Variants in SLC61A1 observed in about 807,000 individuals in gnomAD.
SLC61A1 encodes major facilitator superfamily domain containing 5.
the SLC61A1 span, chr12:53,252,089 C>G: frequency 6.9e-7 from 1 of 1,459,466 alleles, no homozygotes; most frequent in Non-Finnish European, 9.0e-7. Flanking sequence ...GCGCCGCGCC[C>G]CCGTCACGTG....
the SLC61A1 span, chr12:53,251,777 T>C: frequency 6.5e-7 from 1 of 1,537,218 alleles, no homozygotes; most frequent in Non-Finnish European, 8.7e-7. Context: ...AAGGAGACCT[T>C]CTCGGCTTCG....
At chr12:53,253,987 T>C in the SLC61A1 span, 13 of 1,614,182 alleles carry the variant, frequency 8.1e-6, no homozygotes, top group Non-Finnish European at 1.1e-5. Flanking sequence ...TCCGGGTACC[T>C]CTGCACTCAC....
the SLC61A1 span, chr12:53,254,248 A>G: frequency 2.6e-6 from 4 of 1,558,444 alleles, no homozygotes; most frequent in Non-Finnish European, 3.5e-6. Context: ...CCGGGATTGT[A>G]CAGATCTCTC....
At chr12:53,252,409 C>T in the SLC61A1 span, 1 of 1,284,720 alleles carries the variant, frequency 7.8e-7, no homozygotes, top group Non-Finnish European at 9.9e-7. Flanking sequence ...GAGAGGCCTG[C>T]GCGGGTGGGA....
At chr12:53,251,752 G>T in the SLC61A1 span, 1 of 1,536,982 alleles carries the variant, frequency 6.5e-7, no homozygotes, top group Non-Finnish European at 8.7e-7. Context: ...ACTGCAGTGG[G>T]AGAGGAGGCA....
chr12:53,252,240 C>A, the SLC61A1 span: 1 of 1,408,100 alleles, frequency 7.1e-7, no homozygotes, highest in African/African-American at 1.5e-5. Context: ...CGGACGTGTC[C>A]GGGGCGTCCC....
chr12:53,251,839 C>A, the SLC61A1 span: 1 of 1,537,310 alleles, frequency 6.5e-7, no homozygotes, highest in Non-Finnish European at 8.7e-7. Flanking sequence ...TACCGGACTG[C>A]GGGCATCTTT....
At chr12:53,254,381 A>C in the SLC61A1 span, 1 of 609,526 alleles carries the variant, frequency 1.6e-6, no homozygotes, top group Non-Finnish European at 2.9e-6. Context: ...ACTCCCATTT[A>C]GAAAATAAAC....
the SLC61A1 span, chr12:53,254,337 C>A: frequency 1.0e-6 from 1 of 994,718 alleles, no homozygotes; most frequent in Non-Finnish European, 1.5e-6. Context: ...GGGTGATGGA[C>A]TGGAAAGAAG....
the SLC61A1 span, chr12:53,252,591 G>A: frequency 3.1e-6 from 4 of 1,281,098 alleles, no homozygotes; most frequent in Non-Finnish European, 4.2e-6. Context: ...TGGGTTGAGT[G>A]CCCAGTCCTC....
the SLC61A1 span, chr12:53,251,444 T>G: frequency 2.4e-6 from 1 of 422,280 alleles, no homozygotes; most frequent in Middle Eastern, 6.6e-4. Flanking sequence ...GTTAAATAGT[T>G]TTTCCAAGGT....
chr12:53,252,447 C>T, the SLC61A1 span: 1 of 1,290,760 alleles, frequency 7.7e-7, no homozygotes, highest in Admixed American at 3.8e-5. Flanking sequence ...GGATGAGACA[C>T]TGAGGGCAAA....
the SLC61A1 span, chr12:53,253,986 C>G: frequency 1.9e-6 from 3 of 1,614,200 alleles, no homozygotes; most frequent in Non-Finnish European, 2.5e-6. Context: ...TTCCGGGTAC[C>G]TCTGCACTCA....
the SLC61A1 span, chr12:53,253,130 G>A: frequency 6.2e-7 from 1 of 1,614,246 alleles, no homozygotes; most frequent in Non-Finnish European, 8.5e-7. Flanking sequence ...CTCCTCCCTT[G>A]TGGATTGGCT....
At chr12:53,252,383 G>T in the SLC61A1 span, 1 of 1,314,610 alleles carries the variant, frequency 7.6e-7, no homozygotes, top group East Asian at 3.3e-5. Flanking sequence ...GCACACGCAT[G>T]ACCCTGAAGC....
chr12:53,252,021 G>C, the SLC61A1 span: 1 of 1,357,466 alleles, frequency 7.4e-7, no homozygotes, highest in Non-Finnish European at 9.7e-7. Context: ...CAGGCGTCAG[G>C]AGTTCCGCGC....
the SLC61A1 span, chr12:53,252,236 T>A: frequency 7.1e-7 from 1 of 1,408,894 alleles, no homozygotes; most frequent in South Asian, 1.6e-5. Flanking sequence ...GAGCCGGACG[T>A]GTCCGGGGCG....
At chr12:53,252,591 G>C in the SLC61A1 span, 1 of 1,281,218 alleles carries the variant, frequency 7.8e-7, no homozygotes. Flanking sequence ...TGGGTTGAGT[G>C]CCCAGTCCTC....
chr12:53,253,003 T>G, the SLC61A1 span: 1 of 1,614,200 alleles, frequency 6.2e-7, no homozygotes, highest in Non-Finnish European at 8.5e-7. Flanking sequence ...TGGCAGCTGA[T>G]TGGCTTCAGG....
Sources: gnomAD v4.1 joint callset for allele counts on GRCh38, gnomAD v4.1.1 for gene constraint, MANE v1.5 for transcripts, NCBI Gene and HGNC (gene_info 2026-07-23, HGNC 2026-07-21) for gene names.